The following RRM2 variants were observed in gnomAD, a reference collection of about 807,000 sequenced individuals.
The protein encoded by RRM2 is ribonucleoside-diphosphate reductase subunit M2.
A neutral mutation model predicts 45.9 loss-of-function variants in RRM2; 6 were observed. The observed-to-expected ratio is 0.13, with a 90% CI of 0.07 to 0.26. The LOEUF (loss-of-function observed/expected upper bound fraction) is 0.26. Among genes scored for constraint, RRM2 ranks in the 10% least tolerant of loss-of-function variants. The pLI is 1.00. For missense variants in RRM2, 343 were observed against 489.5 expected, an observed-to-expected ratio of 0.70 and a Z score of 2.82; for synonymous variants, 177 against 173.0, an observed-to-expected ratio of 1.02 and a Z score of -0.18.
intron 3 of RRM2, among the ~76,000 whole-genome samples, chr2:10,176,030 A>G (rs1663908107): frequency 1.3e-5 from 2 of 152,172 alleles, no homozygotes; most frequent in African/African-American, 4.8e-5. Context: ...TATCTGTAGC[A>G]TGTCTGAATT....
At chr2:10,152,992 A>G (rs1456610678) in intron 3 of RRM2, among the ~76,000 whole-genome samples, 1 of 152,218 alleles carries the variant, frequency 6.6e-6, no homozygotes, top group South Asian at 2.1e-4. Flanking sequence ...TTGCAGCATT[A>G]TTCACATTAG....
intron 3 of RRM2, among the ~76,000 whole-genome samples, chr2:10,193,621 C>T (rs966850697): frequency 3.9e-5 from 6 of 152,246 alleles, no homozygotes; most frequent in African/African-American, 1.4e-4. Flanking sequence ...GCAAACATCG[C>T]TGACTGCCTA....
At chr2:10,148,453 T>C (rs1302501573) in intron 3 of RRM2, among the ~76,000 whole-genome samples, 4 of 152,214 alleles carry the variant, frequency 2.6e-5, no homozygotes, top group African/African-American at 9.6e-5. Flanking sequence ...AGTCTTTGTG[T>C]TTGATTGACA....
At chr2:10,163,545 G>A (rs940304565) in intron 3 of RRM2, among the ~76,000 whole-genome samples, 9 of 152,160 alleles carry the variant, frequency 5.9e-5, no homozygotes, top group Non-Finnish European at 1.3e-4. Flanking sequence ...CAGTTTCCCC[G>A]GGTCTGCAAA....
chr2:10,163,339 G>C (rs1200178774), intron 3 of RRM2, among the ~76,000 whole-genome samples: 7 of 131,998 alleles, frequency 5.3e-5, no homozygotes, highest in South Asian at 5.8e-4. Flanking sequence ...GCGGGGGGGT[G>C]GGGGGGCATC....
At chr2:10,210,358 C>T in exon 4 of RRM2, 1 of 1,367,744 alleles carries the variant, frequency 7.3e-7, no homozygotes, top group Non-Finnish European at 9.8e-7. Flanking sequence ...CTGGAGAAGC[C>T]CAGCCCTCAT....
At chr2:10,196,179 T>C (rs138069042) in intron 3 of RRM2, among the ~76,000 whole-genome samples, 1 of 152,266 alleles carries the variant, frequency 6.6e-6, no homozygotes, top group East Asian at 1.9e-4. Flanking sequence ...TGTCCTCATA[T>C]GAGGCCTAAG....
Position 10,129,076 on chromosome 2 carries a change from T to C in RRM2, c.939T>C (p.Ile313=). 6.2e-7 allele frequency: 1 copy of C among 1,614,196 alleles called. No homozygotes were observed. ...CTGAGGCCTTGCCTGTGAAGCTCAT[T>C]GGGATGAATTGCACTCTAATGAAGC... ...FLTEALPVKL[I]GMNCTLMKQY... The change falls in exon 9 of 10, where the codon ATT becomes ATC. Residue 313 remains isoleucine, a synonymous_variant. Transcript: ENST00000304567. The surrounding 1 kb of genome is among the most constrained non-coding windows in gnomAD (Gnocchi z 4.8).
At chr2:10,187,360 G>C (rs1664191955) in intron 3 of RRM2, among the ~76,000 whole-genome samples, 1 of 152,232 alleles carries the variant, frequency 6.6e-6, no homozygotes, top group African/African-American at 2.4e-5. Flanking sequence ...AGGCTCAGAG[G>C]GGGCGTGGGA....
chr2:10,210,826 G>A (rs566902712), exon 4 of RRM2: 13 of 355,982 alleles, frequency 3.7e-5, no homozygotes, highest in Admixed American at 7.8e-5. Flanking sequence ...TGGTTAGGCC[G>A]TGAGGGTGGA....
At chr2:10,186,525 T>C (rs1664170147) in intron 3 of RRM2, among the ~76,000 whole-genome samples, 1 of 152,118 alleles carries the variant, frequency 6.6e-6, no homozygotes, top group Admixed American at 6.5e-5. Context: ...TGAACCGTAG[T>C]GTGTACAACA....
intron 5 of RRM2, among the ~76,000 whole-genome samples, chr2:10,126,163 A>T (rs1029997054): frequency 4.6e-4 from 6 of 12,932 alleles, no homozygotes; most frequent in African/African-American, 2.2e-3. Flanking sequence ...TCATCTCTTT[A>T]AAAAAAAAAA....
At chr2:10,182,911 T>C (rs13432284) in intron 3 of RRM2, among the ~76,000 whole-genome samples, 36,198 of 152,002 alleles carry the variant, frequency 0.24, 4,760 homozygotes, top group East Asian at 0.51. Context: ...GGTGTAATGG[T>C]TCATACCTGT....
intron 2 of RRM2, chr2:10,142,139 G>A (rs932813265): frequency 1.4e-5 from 22 of 1,559,290 alleles, no homozygotes; most frequent in South Asian, 8.3e-5. Context: ...TGTGGCAGGC[G>A]CGTCTGTGAG....
intron 3 of RRM2, among the ~76,000 whole-genome samples, chr2:10,207,675 G>A (rs1479174776): frequency 6.6e-6 from 1 of 151,858 alleles, no homozygotes; most frequent in South Asian, 2.1e-4. Flanking sequence ...GACACTCATC[G>A]TTTAGTGCAT....
chr2:10,191,211 C>A (rs1479041390), intron 3 of RRM2, among the ~76,000 whole-genome samples: 1 of 152,220 alleles, frequency 6.6e-6, no homozygotes, highest in Non-Finnish European at 1.5e-5. Flanking sequence ...CTGTGCCTAT[C>A]AGCCCCTAGG....
intron 3 of RRM2, among the ~76,000 whole-genome samples, chr2:10,159,208 C>G (rs1663501552): frequency 6.6e-6 from 1 of 152,156 alleles, no homozygotes; most frequent in South Asian, 2.1e-4. Flanking sequence ...ACACCCTTAG[C>G]CCAAAGGCTT....
chr2:10,141,692 C>T (rs1293989461), intron 1 of RRM2: 30 of 1,032,690 alleles, frequency 2.9e-5, no homozygotes, highest in Non-Finnish European at 3.9e-5. Context: ...CAAGAGACCT[C>T]GACCTGTTCT....
chr2:10,165,494 C>T (rs1663658808), intron 3 of RRM2, among the ~76,000 whole-genome samples: 1 of 152,218 alleles, frequency 6.6e-6, no homozygotes, highest in Admixed American at 6.5e-5. Context: ...GACCACGGCG[C>T]AGGGGCCACA....
Sources: gnomAD v4.1 joint callset for allele counts (sites outside exome capture counted in the v4.1 genomes callset) on GRCh38, gnomAD v4.1.1 for gene constraint, Gnocchi (gnomAD v3.1) non-coding constraint, MANE v1.5 for transcripts, NCBI Gene and HGNC (gene_info 2026-07-23, HGNC 2026-07-21) for gene names.